Variants in MTSS1 observed in about 807,000 individuals in gnomAD.
MTSS1 encodes the protein protein MTSS 1.
A neutral mutation model predicts 79.0 loss-of-function variants in MTSS1; 18 were observed. The ratio of observed to expected loss-of-function variants is 0.23; its 90% CI spans 0.16 to 0.34. The LOEUF (loss-of-function observed/expected upper bound fraction) is 0.34. Ranked by LOEUF, MTSS1 falls within the 10% of genes least tolerant of loss-of-function variation. The pLI, the probability that MTSS1 is intolerant of heterozygous loss-of-function variation, is 1.00. For synonymous variants in MTSS1, 341 were observed against 368.6 expected (o/e 0.93, Z 0.86); for missense variants, 815 against 986.2 (o/e 0.83, Z 2.33).
intron 6 of MTSS1, 91 bp downstream of exon 6, chr8:124,584,996 A>T: frequency 9.3e-7 from 1 of 1,072,578 alleles, no homozygotes; most frequent in Non-Finnish European, 1.4e-6. Flanking sequence ...GTCATACTTA[A>T]GGAAGTCTCT....
Position 124,553,269 on chromosome 8 carries a change from A to G in MTSS1, c.1991T>C (p.Met664Thr). Residue 664 changes from methionine (M) to threonine (T), a missense_variant, in exon 14 of 14, where the codon ATG becomes ACG. Met to Thr is a moderately conservative substitution (Grantham distance 81, BLOSUM62 -1). Coordinates refer to ENST00000518547, the MANE Select transcript of MTSS1 (RefSeq NM_014751.6). The surrounding 1 kb of genome is among the most constrained non-coding windows in gnomAD (Gnocchi z 6.0). ...PQGVTSMPSS[M>T]WSGQASVNPP... ...GTTAACGGAAGCTTGGCCGCTCCAC[A>G]TTGAGGAGGGCATGCTGGTGACACC... is the stretch of plus-strand genomic sequence containing the variant. 6.2e-7 allele frequency: 1 copy of G among 1,614,158 alleles called. No individual in the cohort carries two copies. Among genetic ancestry groups the G allele is most frequent in the Non-Finnish European group, 8.5e-7 (1 of 1,180,032 alleles).
chr8:124,671,394 T>C (rs1205303063), intron 3 of MTSS1, among the ~76,000 whole-genome samples: 1 of 152,022 alleles, frequency 6.6e-6, no homozygotes, highest in Non-Finnish European at 1.5e-5. Context: ...TGCTAGACTG[T>C]CCTCCCTCTT....
At chr8:124,596,635 A>AC (rs1563823561) in intron 3 of MTSS1, among the ~76,000 whole-genome samples, 1 of 152,100 alleles carries the variant, frequency 6.6e-6, no homozygotes, top group East Asian at 1.9e-4. Context: ...TAACAAAGCA[A>AC]CCCAAACTGG....
intron 3 of MTSS1, among the ~76,000 whole-genome samples, chr8:124,698,335 C>T (rs771240658): frequency 1.3e-5 from 2 of 151,846 alleles, no homozygotes; most frequent in Admixed American, 6.6e-5. Flanking sequence ...AATGTCACCA[C>T]GACAATGAAA....
rs545237518 is a variant in MTSS1 at position 124,696,927 on chromosome 8, A to C, written c.208+2599T>G. Among the ~76,000 whole-genome samples, 9 of 152,184 alleles carry C rather than the reference A, an allele frequency of 5.9e-5. No individual in the cohort carries two copies. The South Asian group carries it at 1.9e-3, about 32-fold the overall frequency. On this transcript the variant is annotated intron_variant, in intron 3 of 13. Coordinates refer to ENST00000518547, the MANE Select transcript of MTSS1 (RefSeq NM_014751.6). Reference sequence around the variant, plus strand: ...AGATTATTTGCCTTTGGTGAAATACATCACCTCCAAACTCCTACTCTACCC... The same window carrying C: ...AGATTATTTGCCTTTGGTGAAATACCTCACCTCCAAACTCCTACTCTACCC...
At chr8:124,639,533 G>A (rs920568519) in intron 3 of MTSS1, among the ~76,000 whole-genome samples, 1 of 151,920 alleles carries the variant, frequency 6.6e-6, no homozygotes, top group Non-Finnish European at 1.5e-5. Flanking sequence ...CTGGAGTGCA[G>A]TAGCACTATC....
intron 1 of MTSS1, among the ~76,000 whole-genome samples, chr8:124,706,849 A>T (rs1830447841): frequency 6.6e-6 from 1 of 152,196 alleles, no homozygotes. Flanking sequence ...GACACCCAAC[A>T]TACATACCAT....
intron 3 of MTSS1, among the ~76,000 whole-genome samples, chr8:124,609,087 C>T (rs938259935): frequency 6.6e-6 from 1 of 152,234 alleles, no homozygotes; most frequent in African/African-American, 2.4e-5. Context: ...AGCCAGAATA[C>T]TTTCCCCAGC....
At chr8:124,604,900 C>G (rs1400757630) in intron 3 of MTSS1, among the ~76,000 whole-genome samples, 2 of 152,302 alleles carry the variant, frequency 1.3e-5, no homozygotes, top group African/African-American at 4.8e-5. Context: ...CGGCTTCAGA[C>G]CAGCAAGCAT....
chr8:124,662,389 C>A (rs962878345), intron 3 of MTSS1, among the ~76,000 whole-genome samples: 1 of 152,136 alleles, frequency 6.6e-6, no homozygotes, highest in Admixed American at 6.6e-5. Flanking sequence ...TCAATAAATA[C>A]TTCTGAATAA....
intron 3 of MTSS1, among the ~76,000 whole-genome samples, chr8:124,641,916 C>T (rs1045309046): frequency 1.3e-5 from 2 of 151,958 alleles, no homozygotes; most frequent in Non-Finnish European, 2.9e-5. Flanking sequence ...CCCCTCTTCC[C>T]GCCAATTGTG....
Position 124,728,242 on chromosome 8 carries a change from T to C in MTSS1, c.-287A>G, listed in dbSNP as rs1834017259. 7.0e-6 allele frequency: 2 copies of C among 284,030 alleles called. No homozygotes were observed. Among genetic ancestry groups the C allele is most frequent in the Non-Finnish European group, 6.5e-6 (1 of 154,184 alleles). The allele number at this position is 284,030 out of a possible 1,614,324, so 17.6% of individuals were successfully genotyped here. A position where few individuals can be genotyped will look rare whatever the true frequency, so the allele number is the denominator to read the frequency against. On this transcript the variant is annotated 5_prime_UTR_variant, in exon 1 of 14. Transcript: ENST00000518547. The surrounding 1 kb of genome is among the most constrained non-coding windows in gnomAD (Gnocchi z 6.1). ...AGACTGACAATCAGGCCACCACTGG[T>C]GCCCACTACGGAAACGGCAAAGCCC...
chr8:124,633,204 C>T (rs1436334529), intron 3 of MTSS1, among the ~76,000 whole-genome samples: 1 of 151,942 alleles, frequency 6.6e-6, no homozygotes, highest in Non-Finnish European at 1.5e-5. Flanking sequence ...TTTGCCACAA[C>T]CTGGAAATTT....
Position 124,727,691 on chromosome 8 carries a change from C to A in MTSS1, c.72+193G>T, listed in dbSNP as rs533809793. 18 of 672,664 alleles carry A rather than the reference C, an allele frequency of 2.7e-5. No homozygotes were observed. Among genetic ancestry groups the A allele is most frequent in the South Asian group, 9.2e-5 (6 of 65,508 alleles). 41.7% of individuals were successfully genotyped at this position (672,664 alleles called of 1,614,324 possible). A position where few individuals can be genotyped will look rare whatever the true frequency, so the allele number is the denominator to read the frequency against. ...AGCAGACACCCCCCAGAGAAGCCAC[C>A]CGCCCAGTGACCCCGCAGAGCCCGG... On this transcript the variant is annotated intron_variant, in intron 1 of 13. Transcript: ENST00000518547. The surrounding 1 kb of genome is among the most constrained non-coding windows in gnomAD (Gnocchi z 4.7).
At chr8:124,568,883 A>T (rs1228755180) in intron 6 of MTSS1, 2 of 1,414,814 alleles carry the variant, frequency 1.4e-6, no homozygotes, top group Non-Finnish European at 1.8e-6. Flanking sequence ...CTTGCAGAAC[A>T]TTCTGAAGAG....
intron 6 of MTSS1, among the ~76,000 whole-genome samples, chr8:124,575,341 C>T (rs753782706): frequency 6.6e-6 from 1 of 152,216 alleles, no homozygotes; most frequent in African/African-American, 2.4e-5. Context: ...TTTCAACCTA[C>T]TGTGCCCCAG....
chr8:124,636,249 C>T (rs1399114885), intron 3 of MTSS1, among the ~76,000 whole-genome samples: 1 of 152,200 alleles, frequency 6.6e-6, no homozygotes, highest in Non-Finnish European at 1.5e-5. Flanking sequence ...CCTGCCTCAG[C>T]CTCTGGAGTA....
At chr8:124,637,037 A>G (rs1817136875) in intron 3 of MTSS1, among the ~76,000 whole-genome samples, 1 of 152,188 alleles carries the variant, frequency 6.6e-6, no homozygotes, top group South Asian at 2.1e-4. Context: ...TGTGTGCCCT[A>G]TATCTTACAT....
chr8:124,566,464 C>G (rs1346408115), intron 8 of MTSS1, among the ~76,000 whole-genome samples: 1 of 152,168 alleles, frequency 6.6e-6, no homozygotes, highest in Non-Finnish European at 1.5e-5. Context: ...AGATTGTTAC[C>G]AAGCACAAAA....
Sources: allele counts gnomAD v4.1 joint callset (sites outside exome capture counted in the v4.1 genomes callset), GRCh38; gene constraint gnomAD v4.1.1; non-coding constraint Gnocchi (gnomAD v3.1); transcripts MANE v1.5; gene names NCBI Gene and HGNC (gene_info 2026-07-23, HGNC 2026-07-21).